The following NAV1 variants were observed in gnomAD, a reference collection of about 807,000 sequenced individuals.
NAV1 encodes pore membrane and/or filament interacting like protein 3.
In NAV1, 18 loss-of-function variants were observed where a neutral mutation model predicts 175.2. The observed-to-expected ratio is 0.10, with a 90% CI of 0.07 to 0.15. The LOEUF (loss-of-function observed/expected upper bound fraction) is 0.15. Among genes scored for constraint, NAV1 ranks in the 10% least tolerant of loss-of-function variants. The probability of loss-of-function intolerance (pLI) is 1.00; values close to 1 mark genes in which losing one functional copy is unlikely to be tolerated. For missense variants in NAV1, 1,731 were observed against 2,436.6 expected (o/e 0.71, Z 6.10); for synonymous variants, 897 against 978.7 (o/e 0.92, Z 1.56).
In NAV1 at chr1:201,550,279, C is replaced by T. The variant is rs537393415; in HGVS notation, c.-144+10937C>T. Among the ~76,000 whole-genome samples, 6 of 152,110 alleles carry T rather than the reference C, an allele frequency of 3.9e-5. No individual in the cohort carries two copies. In the East Asian group the frequency reaches 1.2e-3, roughly 30 times the overall value. On this transcript the variant is annotated intron_variant, in intron 1 of 33. Transcript: ENST00000685211. ...CTTGACTTCCAGGGCTCAAGTGATC[C>T]TCCTGCCTCAGCCTCCTAAACAGCT...
exon 15 of NAV1, chr1:201,794,525 G>A (rs774137589): frequency 6.8e-6 from 11 of 1,613,764 alleles, no homozygotes; most frequent in Non-Finnish European, 4.2e-6. Context: ...AGAACTCTGA[G>A]GCCCAGGCAG....
intron 2 of NAV1, among the ~76,000 whole-genome samples, chr1:201,594,960 G>T (rs1285480041): frequency 6.6e-6 from 1 of 152,372 alleles, no homozygotes; most frequent in South Asian, 2.1e-4. Flanking sequence ...CATTAGGCAA[G>T]GGCAAGGTGC....
chr1:201,586,889 C>T (rs1022526423), intron 1 of NAV1, among the ~76,000 whole-genome samples: 3 of 152,144 alleles, frequency 2.0e-5, no homozygotes, highest in Non-Finnish European at 2.9e-5. Context: ...CATAGCACCT[C>T]TGAACTGTGC....
rs1277055667 is a variant in NAV1 at position 201,809,338 on chromosome 1, G to T, written c.4305+77G>T. ...TTATCCAAGAAAATCTGGACCCTGG[G>T]TACCTCCAAAACCAAAGAACTCAAC... On this transcript the variant is annotated intron_variant, in intron 21 of 29. Coordinates refer to ENST00000367296, the Ensembl canonical transcript of NAV1. The T allele has an allele frequency of 5.0e-6, 8 of 1,591,854 alleles. No homozygotes were observed. In the East Asian group the frequency reaches 1.8e-4, roughly 36 times the overall value.
intron 15 of NAV1, among the ~76,000 whole-genome samples, chr1:201,800,817 CTTTTTTTTT>C (rs61404613): frequency 2.2e-5 from 2 of 90,802 alleles, no homozygotes; most frequent in East Asian, 3.4e-4. Context: ...CTTGGTGTAT[CTTTTTTTTT>C]TTTTTTTTTT....
At chr1:201,690,446 A>G (rs1350045500) in intron 1 of NAV1, among the ~76,000 whole-genome samples, 10 of 64,778 alleles carry the variant, frequency 1.5e-4, no homozygotes, top group African/African-American at 6.5e-4. Flanking sequence ...GAGTATGTCT[A>G]TTTCCTCTCT....
intron 14 of NAV1, 186 bp downstream of exon 18, chr1:201,794,061 C>G (rs573553746): frequency 4.3e-6 from 3 of 704,442 alleles, no homozygotes; most frequent in Non-Finnish European, 7.7e-6. Flanking sequence ...ATTCCTTGCC[C>G]TTCTCTATCA....
chr1:201,691,042 G>A (rs929361106), intron 1 of NAV1, among the ~76,000 whole-genome samples: 32 of 152,198 alleles, frequency 2.1e-4, no homozygotes, highest in Non-Finnish European at 4.7e-4. Context: ...AGTTGTTAAT[G>A]TTAACGGTTC....
chr1:201,804,762 T>C (rs1398963321), intron 17 of NAV1, among the ~76,000 whole-genome samples: 2 of 152,144 alleles, frequency 1.3e-5, no homozygotes, highest in Non-Finnish European at 2.9e-5. Flanking sequence ...TTCCCTACTA[T>C]CTTCCCCTGT....
chr1:201,604,692 AAAG>A (rs1558015320), intron 2 of NAV1, among the ~76,000 whole-genome samples: 7 of 150,178 alleles, frequency 4.7e-5, no homozygotes, highest in African/African-American at 1.5e-4. Flanking sequence ...AAAAAAAAAA[AAAG>A]AAGAAGAAAG....
At chr1:201,751,644 A>T (rs1011135586) in intron 3 of NAV1, among the ~76,000 whole-genome samples, 1 of 152,240 alleles carries the variant, frequency 6.6e-6, no homozygotes, top group Non-Finnish European at 1.5e-5. Context: ...TCAATACCTG[A>T]TTCTGTAAAA....
chr1:201,634,083 T>G (rs1484969547), intron 2 of NAV1, among the ~76,000 whole-genome samples: 3 of 152,224 alleles, frequency 2.0e-5, no homozygotes, highest in Non-Finnish European at 4.4e-5. Flanking sequence ...CTACTTGCCT[T>G]GCATCACAGC....
At chr1:201,648,195 C>T (rs543868276), upstream of NAV1, 6 of 985,232 alleles carry the variant, frequency 6.1e-6, no homozygotes, top group East Asian at 5.4e-4. Flanking sequence ...AGCCTCGACT[C>T]GGGCTGGCTG....
chr1:201,792,049 T>C (rs1303965981), intron 13 of NAV1: 1 of 152,192 alleles, frequency 6.6e-6, no homozygotes, highest in African/African-American at 2.4e-5. Flanking sequence ...TCAGCCACCA[T>C]GCTGTCAAGG....
At chr1:201,804,578 C>A in intron 17 of NAV1, 81 bp downstream of exon 21, 1 of 814,132 alleles carries the variant, frequency 1.2e-6, no homozygotes, top group Non-Finnish European at 1.8e-6. Context: ...CTCCCTTCCC[C>A]TAAAAAAAAA....
intron 2 of NAV1, among the ~76,000 whole-genome samples, chr1:201,597,765 T>C (rs1667397412): frequency 6.6e-6 from 1 of 152,218 alleles, no homozygotes; most frequent in Non-Finnish European, 1.5e-5. Context: ...GATTTCCTGG[T>C]CTGTTTCCTT....
chr1:201,653,106 G>A (rs1278480600), intron 1 of NAV1, among the ~76,000 whole-genome samples: 1 of 152,196 alleles, frequency 6.6e-6, no homozygotes, highest in Non-Finnish European at 1.5e-5. Flanking sequence ...TTACTTTCAT[G>A]TGATCATAAT....
intron 2 of NAV1, among the ~76,000 whole-genome samples, chr1:201,638,525 A>T (rs1668668670): frequency 6.6e-6 from 1 of 152,166 alleles, no homozygotes; most frequent in Non-Finnish European, 1.5e-5. Flanking sequence ...TCTAATACCC[A>T]GTCCCCATTT....
intron 2 of NAV1, among the ~76,000 whole-genome samples, chr1:201,630,413 C>T (rs553866877): frequency 2.6e-5 from 4 of 152,296 alleles, no homozygotes; most frequent in East Asian, 1.9e-4. Flanking sequence ...CCTGCTCCAG[C>T]GGGCCAAGCT....
Sources: gnomAD v4.1 joint callset for allele counts (sites outside exome capture counted in the v4.1 genomes callset) on GRCh38, gnomAD v4.1.1 for gene constraint, MANE v1.5 for transcripts, NCBI Gene and HGNC (gene_info 2026-07-23, HGNC 2026-07-21) for gene names.